The following PDE11A variants were observed in gnomAD, a reference collection of about 807,000 sequenced individuals.
PDE11A encodes dual 3',5'-cyclic-AMP and -GMP phosphodiesterase 11A.
Under a neutral mutation model 100.5 loss-of-function variants are expected in PDE11A, and 100 were observed. That is an observed-to-expected ratio of 1.00 (90% CI 0.85 to 1.18). The LOEUF is 1.18. Ranked by LOEUF, PDE11A falls within the 50% of genes most tolerant of loss-of-function variation. PDE11A has a pLI of 0.00. For synonymous variants in PDE11A, 381 were observed against 420.8 expected (o/e 0.91, Z 1.16); for missense variants, 1,141 against 1,152.6 (o/e 0.99, Z 0.15).
At chr2:177,997,314 G>A in intron 2 of PDE11A, 1 of 940,178 alleles carries the variant, frequency 1.1e-6, no homozygotes, top group Non-Finnish European at 1.8e-6. Flanking sequence ...TTCTCACTGG[G>A]AGGATTATAA....
chr2:177,833,393 C>A (rs2083341660), intron 6 of PDE11A, among the ~76,000 whole-genome samples: 1 of 152,176 alleles, frequency 6.6e-6, no homozygotes. Context: ...GCCATGAGTT[C>A]ATGTACCTGT....
intron 2 of PDE11A, among the ~76,000 whole-genome samples, chr2:177,985,484 G>A (rs1024712642): frequency 1.3e-5 from 2 of 152,116 alleles, no homozygotes; most frequent in African/African-American, 4.8e-5. Flanking sequence ...CTCATCTTCA[G>A]GGGACTCATT....
At chr2:177,898,471 T>C (rs2084647119) in intron 3 of PDE11A, among the ~76,000 whole-genome samples, 1 of 152,206 alleles carries the variant, frequency 6.6e-6, no homozygotes, top group African/African-American at 2.4e-5. Context: ...CTCTAGATTA[T>C]TTTGAGTCTT....
At chr2:177,858,336 G>A (rs2083880101) in intron 5 of PDE11A, among the ~76,000 whole-genome samples, 1 of 151,668 alleles carries the variant, frequency 6.6e-6, no homozygotes, top group Admixed American at 6.6e-5. Flanking sequence ...GAAAATTTTT[G>A]CAATCTACTC....
chr2:177,646,331 A>G (rs1238724693), intron 19 of PDE11A, among the ~76,000 whole-genome samples: 2 of 152,224 alleles, frequency 1.3e-5, no homozygotes, highest in Non-Finnish European at 2.9e-5. Flanking sequence ...TTGCTGTGAT[A>G]GAAAGTAAAG....
intron 5 of PDE11A, among the ~76,000 whole-genome samples, chr2:177,855,366 C>T (rs182167910): frequency 5.3e-5 from 8 of 152,062 alleles, no homozygotes; most frequent in Non-Finnish European, 8.8e-5. Flanking sequence ...AGAATACTAG[C>T]AAAAATTGTC....
At chr2:177,857,811 C>T (rs1288091825) in intron 5 of PDE11A, among the ~76,000 whole-genome samples, 1 of 151,944 alleles carries the variant, frequency 6.6e-6, no homozygotes, top group African/African-American at 2.4e-5. Flanking sequence ...GATTCAAAGA[C>T]ATGACTGGGT....
At chr2:177,665,911 T>G (rs1304001477) in intron 18 of PDE11A, among the ~76,000 whole-genome samples, 2 of 152,220 alleles carry the variant, frequency 1.3e-5, no homozygotes, top group Middle Eastern at 6.8e-3. Flanking sequence ...TGTCTAAAAT[T>G]TTCATATTTA....
intron 2 of PDE11A, among the ~76,000 whole-genome samples, chr2:177,961,236 G>T (rs1353754397): frequency 6.6e-6 from 1 of 151,902 alleles, no homozygotes; most frequent in Non-Finnish European, 1.5e-5. Context: ...TGTCCCAGAA[G>T]AGAATGTGAA....
At chr2:177,725,060 G>T (rs552571294) in intron 12 of PDE11A, among the ~76,000 whole-genome samples, 4 of 152,020 alleles carry the variant, frequency 2.6e-5, no homozygotes, top group African/African-American at 9.7e-5. Context: ...TCACTGATAA[G>T]ATCAAAACAT....
chr2:177,736,287 G>T (rs914423420), intron 10 of PDE11A, among the ~76,000 whole-genome samples: 1 of 152,092 alleles, frequency 6.6e-6, no homozygotes, highest in Non-Finnish European at 1.5e-5. Context: ...CGAGGCAGGT[G>T]GATCAACAGA....
intron 2 of PDE11A, among the ~76,000 whole-genome samples, chr2:178,010,412 T>G (rs2086261870): frequency 6.6e-6 from 1 of 152,192 alleles, no homozygotes; most frequent in Non-Finnish European, 1.5e-5. Flanking sequence ...AAATGTGAAG[T>G]GAATGAAGTT....
Position 177,727,765 on chromosome 2 carries a change from T to A in PDE11A, c.1936A>T (p.Thr646Ser). The A allele has an allele frequency of 6.4e-7, 1 of 1,568,746 alleles. No homozygotes were observed. The highest frequency in any genetic ancestry group is 1.4e-5 in the African/African-American group (1 of 74,072). The change falls in exon 12 of 20, where the codon ACA becomes TCA. Residue 646 changes from threonine (T) to serine (S), a missense_variant and splice_region_variant. Physicochemically the swap from Thr to Ser is moderately conservative, Grantham distance 58. Transcript: ENST00000286063. ...ACTGTCAAAAGCCACCTACACAGTG[T>A]CTGAAATGGGAGGGAGAGGGTGCGT... The part of the protein sequence containing the change: ...MVQKFKIDYE[T>S]LCRWLLTVRK...
chr2:177,637,997 A>ATATATATATATATAT (rs1433320166), intron 19 of PDE11A, among the ~76,000 whole-genome samples: 2 of 106,534 alleles, frequency 1.9e-5, no homozygotes, highest in African/African-American at 8.1e-5. Context: ...ATATATATAT[A>ATATATATATATATAT]TTTTTTTTTT....
chr2:177,788,111 A>G (rs1159609305), intron 9 of PDE11A, among the ~76,000 whole-genome samples: 1 of 152,032 alleles, frequency 6.6e-6, no homozygotes, highest in Non-Finnish European at 1.5e-5. Flanking sequence ...CACCACACCT[A>G]TTCCAAAATT....
intron 10 of PDE11A, among the ~76,000 whole-genome samples, chr2:177,730,644 C>T (rs909986737): frequency 2.6e-5 from 4 of 151,622 alleles, no homozygotes; most frequent in Admixed American, 6.6e-5. Context: ...CTTCTTTTGT[C>T]GTCTGGATAT....
At chr2:177,649,573 CAT>C (rs376389621) in intron 19 of PDE11A, among the ~76,000 whole-genome samples, 2 of 152,246 alleles carry the variant, frequency 1.3e-5, no homozygotes, top group Admixed American at 6.5e-5. Flanking sequence ...TGCACTTACA[CAT>C]AGATACATAT....
intron 9 of PDE11A, among the ~76,000 whole-genome samples, chr2:177,781,934 T>G (rs1364028584): frequency 1.3e-5 from 2 of 152,154 alleles, no homozygotes; most frequent in African/African-American, 2.4e-5. Context: ...TCATTCACCA[T>G]TTTTTCACCC....
At chr2:177,851,432 G>A (rs2083701524) in intron 5 of PDE11A, among the ~76,000 whole-genome samples, 1 of 151,996 alleles carries the variant, frequency 6.6e-6, no homozygotes, top group South Asian at 2.1e-4. Flanking sequence ...TATACCTAAT[G>A]CTAAATTACG....
Sources: allele counts gnomAD v4.1 joint callset (sites outside exome capture counted in the v4.1 genomes callset), GRCh38; gene constraint gnomAD v4.1.1; transcripts MANE v1.5; gene names NCBI Gene and HGNC (gene_info 2026-07-23, HGNC 2026-07-21).